The following MSI2 variants were observed in gnomAD, a reference collection of about 807,000 sequenced individuals.
MSI2 encodes the protein RNA-binding protein Musashi homolog 2.
Under a neutral mutation model 45.6 loss-of-function variants are expected in MSI2, and 17 were observed. The ratio of observed to expected loss-of-function variants is 0.37; its 90% CI spans 0.26 to 0.56. The LOEUF (loss-of-function observed/expected upper bound fraction) is 0.56, where lower values mean the gene tolerates loss of function less well. MSI2 is among the 20% of genes least tolerant of loss of function. The pLI is 0.77. For synonymous variants in MSI2, 156 were observed against 158.2 expected (o/e 0.99, Z 0.11); for missense variants, 293 against 444.2 (o/e 0.66, Z 3.06).
At chr17:57,337,280 C>T (rs1005506040) in intron 5 of MSI2, among the ~76,000 whole-genome samples, 1 of 152,220 alleles carries the variant, frequency 6.6e-6, no homozygotes, top group Non-Finnish European at 1.5e-5. Flanking sequence ...TTCTTTTCCA[C>T]GGCCCCACAG....
At chr17:57,459,505 G>A (rs1313473665) in intron 6 of MSI2, among the ~76,000 whole-genome samples, 1 of 152,182 alleles carries the variant, frequency 6.6e-6, no homozygotes, top group African/African-American at 2.4e-5. Flanking sequence ...AATGTCCCGA[G>A]GTTCCCAGGA....
chr17:57,383,655 C>T (rs538876268), intron 5 of MSI2, among the ~76,000 whole-genome samples: 5 of 150,724 alleles, frequency 3.3e-5, no homozygotes, highest in African/African-American at 9.9e-5. Context: ...AGCAAGACTC[C>T]GTCTAAAAAA....
intron 5 of MSI2, among the ~76,000 whole-genome samples, chr17:57,276,102 C>T: frequency 6.6e-6 from 1 of 152,166 alleles, no homozygotes; most frequent in South Asian, 2.1e-4. Context: ...TGACCTCCTT[C>T]AGAAGATTCT....
intron 7 of MSI2, among the ~76,000 whole-genome samples, chr17:57,565,491 G>A (rs1041057469): frequency 6.6e-6 from 1 of 152,170 alleles, no homozygotes; most frequent in Non-Finnish European, 1.5e-5. Flanking sequence ...GTCTAGAATA[G>A]GTGGATGCCA....
chr17:57,413,126 A>C (rs992689667), intron 6 of MSI2, among the ~76,000 whole-genome samples: 1 of 152,184 alleles, frequency 6.6e-6, no homozygotes, highest in Non-Finnish European at 1.5e-5. Context: ...CCTGTCTAGC[A>C]GTAGGCTTGC....
intron 7 of MSI2, among the ~76,000 whole-genome samples, chr17:57,587,179 C>T (rs1904369594): frequency 6.6e-6 from 1 of 152,150 alleles, no homozygotes; most frequent in Non-Finnish European, 1.5e-5. Context: ...TGGCCCTCAG[C>T]CCCACCTTGA....
intron 4 of MSI2, among the ~76,000 whole-genome samples, chr17:57,261,649 A>C (rs1267374885): frequency 6.6e-6 from 1 of 152,182 alleles, no homozygotes; most frequent in African/African-American, 2.4e-5. Flanking sequence ...GTTGATTTAA[A>C]AAATTTTTGG....
chr17:57,379,642 C>CT (rs1360387960), intron 5 of MSI2, among the ~76,000 whole-genome samples: 3 of 152,176 alleles, frequency 2.0e-5, no homozygotes, highest in Admixed American at 6.5e-5. Context: ...CCACAGTCCC[C>CT]TCTTGAAACA....
At position 57,257,290 on chromosome 17, in the gene MSI2, G is replaced by C. The variant is rs3744086; in HGVS notation, c.103+152G>C. 0.035 allele frequency: 20,746 copies of C among 590,936 alleles called. 508 individuals are homozygous for C. The highest frequency in any genetic ancestry group is 0.087 in the East Asian group (2,727 of 31,262). 36.6% of individuals were successfully genotyped at this position (590,936 alleles called of 1,614,324 possible). On this transcript the variant is annotated intron_variant, in intron 2 of 13. Transcript: ENST00000284073. The stretch of plus-strand genomic sequence containing the variant: ...TTTTTTTAAATAGCAAATCCTTTCT[G>C]AGCCCTCTATGCGACCTCTGTTGCC...
chr17:57,418,041 G>T (rs1349188839), intron 6 of MSI2, among the ~76,000 whole-genome samples: 2 of 152,206 alleles, frequency 1.3e-5, no homozygotes, highest in Non-Finnish European at 2.9e-5. Context: ...TGTCTGTAAA[G>T]GGTCAGATAC....
chr17:57,603,788 T>A (rs1906193495), intron 8 of MSI2, among the ~76,000 whole-genome samples: 1 of 152,278 alleles, frequency 6.6e-6, no homozygotes, highest in African/African-American at 2.4e-5. Flanking sequence ...TTTGGCCTGC[T>A]GGCCACAGTT....
At chr17:57,645,290 A>G (rs1475214864) in intron 10 of MSI2, among the ~76,000 whole-genome samples, 1 of 152,184 alleles carries the variant, frequency 6.6e-6, no homozygotes, top group African/African-American at 2.4e-5. Flanking sequence ...GACAGGCCAC[A>G]AGAGTTAGCC....
Position 57,446,195 on chromosome 17 carries a change from G to A in MSI2, c.405+44724G>A, listed in dbSNP as rs139260288. 5.1e-4 allele frequency among the ~76,000 whole-genome samples: 77 copies of A among 152,296 alleles called. 1 individual carries two copies. The South Asian group carries it at 0.014, about 27-fold the overall frequency. ...TGTCGATTTAGGCATAGCCTTCAGA[G>A]AGGCATCTCTGGGGCAAGTGATCAT... On this transcript the variant is annotated intron_variant, in intron 6 of 13. Coordinates refer to ENST00000284073, the MANE Select transcript of MSI2 (RefSeq NM_138962.4).
At chr17:57,530,487 C>G (rs2144067532) in intron 7 of MSI2, among the ~76,000 whole-genome samples, 2 of 152,280 alleles carry the variant, frequency 1.3e-5, no homozygotes, top group Admixed American at 1.3e-4. Flanking sequence ...GAAAAGTCCT[C>G]CCTGGAGGTA....
At chr17:57,353,400 T>C (rs1328550069) in intron 5 of MSI2, among the ~76,000 whole-genome samples, 1 of 152,192 alleles carries the variant, frequency 6.6e-6, no homozygotes, top group Non-Finnish European at 1.5e-5. Context: ...TTCTTGGGGT[T>C]GTACTAAGGA....
At chr17:57,619,265 G>A (rs1319867116) in intron 9 of MSI2, among the ~76,000 whole-genome samples, 2 of 152,180 alleles carry the variant, frequency 1.3e-5, no homozygotes, top group African/African-American at 4.8e-5. Flanking sequence ...GGAGGCAAGG[G>A]GCAAGAGCAC....
intron 5 of MSI2, among the ~76,000 whole-genome samples, chr17:57,353,827 C>T (rs1409658424): frequency 1.3e-5 from 2 of 152,124 alleles, no homozygotes; most frequent in Non-Finnish European, 2.9e-5. Flanking sequence ...TCCTTTTCCC[C>T]CATCCATGAG....
Position 57,596,943 on chromosome 17 carries a change from A to G in MSI2, c.530A>G (p.Asn177Ser), listed in dbSNP as rs1394739304. Residue 177 changes from asparagine (N) to serine (S), a missense_variant, in exon 8 of 14, where the codon AAT becomes AGT. Transcript: ENST00000284073. The surrounding 1 kb of genome is among the most constrained non-coding windows in gnomAD (Gnocchi z 4.6). The stretch of plus-strand genomic sequence containing the variant: ...GAGATTCATTTCCATGAAATCAATA[A>G]TAAAATGGTAAGTGTGTAGGGGTTG... ...VCEIHFHEINNKMVECKKAQP... is the reference protein window; with the variant it reads ...VCEIHFHEINSKMVECKKAQP... The G allele has an allele frequency of 2.5e-6, 4 of 1,609,316 alleles. No homozygotes were observed. Among genetic ancestry groups the G allele is most frequent in the African/African-American group, 2.7e-5 (2 of 74,828 alleles).
At position 57,332,374 on chromosome 17, in the gene MSI2, TA is replaced by T. The variant is rs1423481317; in HGVS notation, c.313-69004del. 5.3e-5 allele frequency among the ~76,000 whole-genome samples: 8 copies of T among 152,232 alleles called. No individual in the cohort carries two copies. In the East Asian group the frequency reaches 1.5e-3, roughly 29 times the overall value. ...CCTCAGTCTCCCAAAGTGCTGGGGT[TA>T]CAGGCATGAGCCATTGTGCCCAGCC... is the stretch of plus-strand genomic sequence containing the variant. On this transcript the variant is annotated intron_variant, in intron 5 of 13. Coordinates refer to ENST00000284073, the MANE Select transcript of MSI2 (RefSeq NM_138962.4).
Sources: gnomAD v4.1 joint callset for allele counts (sites outside exome capture counted in the v4.1 genomes callset) on GRCh38, gnomAD v4.1.1 for gene constraint, Gnocchi (gnomAD v3.1) non-coding constraint, MANE v1.5 for transcripts, NCBI Gene and HGNC (gene_info 2026-07-23, HGNC 2026-07-21) for gene names.